Variants in GPHN observed in about 807,000 individuals in gnomAD.
The protein encoded by GPHN is gephyrin.
GPHN carries 17 observed loss-of-function variants against 95.5 expected under a neutral mutation model. That is an observed-to-expected ratio of 0.18 (90% confidence interval 0.12 to 0.27). The LOEUF is 0.27. Ranked by LOEUF, GPHN falls within the 10% of genes least tolerant of loss-of-function variation. The probability of loss-of-function intolerance (pLI) is 1.00; values close to 1 mark genes in which losing one functional copy is unlikely to be tolerated. For missense variants in GPHN, 660 were observed against 978.1 expected, an observed-to-expected ratio of 0.67 and a Z score of 4.34; for synonymous variants, 320 against 322.5, an observed-to-expected ratio of 0.99 and a Z score of 0.08.
intron 5 of GPHN, among the ~76,000 whole-genome samples, chr14:66,913,861 A>G (rs2065789440): frequency 6.6e-6 from 1 of 152,174 alleles, no homozygotes; most frequent in African/African-American, 2.4e-5. Context: ...TTATTGAATG[A>G]TATAATGTTT....
the GPHN span, chr14:67,365,138 A>G: frequency 2.0e-6 from 2 of 1,023,364 alleles, no homozygotes; most frequent in Non-Finnish European, 2.7e-6. Context: ...TTTTACATAC[A>G]AAGTTGTTAG....
chr14:67,487,796 T>TA, the GPHN span, among the ~76,000 whole-genome samples: 33 of 148,788 alleles, frequency 2.2e-4, no homozygotes, highest in South Asian at 6.4e-4. Context: ...CCATGTACTT[T>TA]AAAAAAAAAA....
chr14:67,090,635 C>G (rs985071489), intron 12 of GPHN, among the ~76,000 whole-genome samples: 11 of 152,012 alleles, frequency 7.2e-5, no homozygotes, highest in Non-Finnish European at 1.0e-4. Flanking sequence ...GATGGTCAAC[C>G]TGTAATTTCC....
intron 1 of GPHN, among the ~76,000 whole-genome samples, chr14:66,640,855 G>C (rs1285943461): frequency 6.6e-6 from 1 of 152,142 alleles, no homozygotes; most frequent in Non-Finnish European, 1.5e-5. Context: ...TCAAGTCTCA[G>C]TTGTATCTGT....
At chr14:67,389,292 C>T in the GPHN span, among the ~76,000 whole-genome samples, 1 of 152,056 alleles carries the variant, frequency 6.6e-6, no homozygotes, top group African/African-American at 2.4e-5. Context: ...AAGGGATCCG[C>T]CCCAGCCTGG....
chr14:66,686,928 A>G (rs1229132524), intron 2 of GPHN, among the ~76,000 whole-genome samples: 1 of 152,162 alleles, frequency 6.6e-6, no homozygotes, highest in Non-Finnish European at 1.5e-5. Flanking sequence ...ACGTCCCATC[A>G]ATACCTAATT....
At chr14:67,062,367 C>A (rs1248332948) in intron 11 of GPHN, among the ~76,000 whole-genome samples, 1 of 152,206 alleles carries the variant, frequency 6.6e-6, no homozygotes, top group Non-Finnish European at 1.5e-5. Context: ...AAATACTTTG[C>A]CTCTGCAAAC....
the GPHN span, among the ~76,000 whole-genome samples, chr14:67,495,569 G>A: frequency 9.9e-5 from 15 of 151,026 alleles, no homozygotes; most frequent in Non-Finnish European, 1.3e-4. Context: ...TGCAACCTCC[G>A]CCTCCCAGAT....
At chr14:66,704,272 C>G (rs1038064338) in intron 2 of GPHN, among the ~76,000 whole-genome samples, 2 of 152,018 alleles carry the variant, frequency 1.3e-5, no homozygotes, top group Non-Finnish European at 2.9e-5. Flanking sequence ...AGAAAATTAA[C>G]AAGGATGTTC....
the GPHN span, chr14:67,593,970 CACAG>C: frequency 8.3e-6 from 13 of 1,562,386 alleles, no homozygotes; most frequent in Admixed American, 3.4e-5. Flanking sequence ...GAGAGCCAGA[CACAG>C]ACAGTAAGAT....
the GPHN span, chr14:67,592,441 A>G: frequency 1.8e-6 from 1 of 549,242 alleles, no homozygotes; most frequent in African/African-American, 1.9e-5. Context: ...CTGTCTCTAA[A>G]ATAAAATAAA....
chr14:67,055,760 G>A (rs1052140985), intron 10 of GPHN, among the ~76,000 whole-genome samples: 16 of 152,164 alleles, frequency 1.1e-4, no homozygotes, highest in African/African-American at 1.9e-4. Flanking sequence ...GCGGACCCTC[G>A]CAGTGAGTGT....
the GPHN span, among the ~76,000 whole-genome samples, chr14:67,353,278 G>A: frequency 6.6e-6 from 1 of 152,320 alleles, no homozygotes; most frequent in South Asian, 2.1e-4. Context: ...ATCAAGAGAT[G>A]ACTGGGTCAT....
At chr14:66,985,625 T>A (rs2070975183) in intron 9 of GPHN, 7 of 1,171,812 alleles carry the variant, frequency 6.0e-6, no homozygotes, top group South Asian at 1.3e-5. Flanking sequence ...TATAGAAAAA[T>A]TTTTAAGTTC....
the GPHN span, among the ~76,000 whole-genome samples, chr14:67,602,702 T>C: frequency 5.9e-5 from 9 of 152,166 alleles, no homozygotes; most frequent in African/African-American, 1.9e-4. Flanking sequence ...AACAAACTAG[T>C]ATTAGTAGAG....
intron 4 of GPHN, chr14:66,842,775 G>A: frequency 8.0e-7 from 1 of 1,256,810 alleles, no homozygotes; most frequent in Non-Finnish European, 1.1e-6. Context: ...TTAGTGTTTT[G>A]GTTTCTTTTA....
At chr14:66,850,293 A>G (rs114747865) in intron 4 of GPHN, among the ~76,000 whole-genome samples, 1,850 of 152,304 alleles carry the variant, frequency 0.012, 47 homozygotes, top group African/African-American at 0.039. Flanking sequence ...TCATTTTTCT[A>G]TATAGGAATT....
chr14:67,341,117 C>G, the GPHN span, among the ~76,000 whole-genome samples: 6 of 152,234 alleles, frequency 3.9e-5, no homozygotes, highest in Admixed American at 6.5e-5. Flanking sequence ...AGTGAGGAGC[C>G]TCTCTGCCTG....
intron 1 of GPHN, among the ~76,000 whole-genome samples, chr14:66,563,011 C>T (rs1476261247): frequency 2.0e-5 from 3 of 151,936 alleles, no homozygotes; most frequent in African/African-American, 7.2e-5. Context: ...TTCACAGGTT[C>T]TAGAGATTAG....
Sources: allele counts gnomAD v4.1 joint callset (sites outside exome capture counted in the v4.1 genomes callset), GRCh38; gene constraint gnomAD v4.1.1; transcripts MANE v1.5; gene names NCBI Gene and HGNC (gene_info 2026-07-23, HGNC 2026-07-21).